The following FRMD4A variants were observed in gnomAD, a reference collection of about 807,000 sequenced individuals.
FRMD4A encodes FERM domain containing 4A.
A neutral mutation model predicts 129.1 loss-of-function variants in FRMD4A; 29 were observed. That is an observed-to-expected ratio of 0.22 (90% CI 0.17 to 0.31). The LOEUF (loss-of-function observed/expected upper bound fraction) is 0.31, where lower values mean the gene tolerates loss of function less well. Among genes scored for constraint, FRMD4A ranks in the 10% least tolerant of loss-of-function variants. The pLI is 1.00. For synonymous variants in FRMD4A, 634 were observed against 571.6 expected (o/e 1.11, Z -1.56); for missense variants, 1,272 against 1,375.8 (o/e 0.92, Z 1.19).
intron 2 of FRMD4A, among the ~76,000 whole-genome samples, chr10:14,306,202 C>T (rs939530540): frequency 2.6e-5 from 4 of 152,188 alleles, no homozygotes; most frequent in Admixed American, 6.5e-5. Context: ...TCTGTTCACA[C>T]AACTGTTAGA....
At chr10:13,781,603 C>G (rs531113797) in intron 6 of FRMD4A, among the ~76,000 whole-genome samples, 1 of 152,140 alleles carries the variant, frequency 6.6e-6, no homozygotes, top group South Asian at 2.1e-4. Context: ...GTCTCAAACT[C>G]CTGACCTCAG....
chr10:14,264,804 C>T (rs571540734), intron 2 of FRMD4A, among the ~76,000 whole-genome samples: 6 of 151,050 alleles, frequency 4.0e-5, no homozygotes, highest in African/African-American at 1.2e-4. Context: ...TTTTTTTAGA[C>T]GAAGTCTTGC....
At chr10:14,196,148 C>T (rs1842465952) in intron 2 of FRMD4A, among the ~76,000 whole-genome samples, 1 of 141,190 alleles carries the variant, frequency 7.1e-6, no homozygotes, top group Admixed American at 7.2e-5. Context: ...AACATATATA[C>T]TCACATGCAC....
intron 2 of FRMD4A, among the ~76,000 whole-genome samples, chr10:14,145,725 G>C (rs1840041798): frequency 6.6e-6 from 1 of 152,126 alleles, no homozygotes; most frequent in Non-Finnish European, 1.5e-5. Context: ...GGCAGAATTA[G>C]GATTTGAACT....
At chr10:14,251,623 A>G (rs563951991) in intron 2 of FRMD4A, among the ~76,000 whole-genome samples, 6 of 152,360 alleles carry the variant, frequency 3.9e-5, no homozygotes, top group East Asian at 1.9e-4. Flanking sequence ...TAACTAATAC[A>G]GACTCCAAAT....
intron 2 of FRMD4A, among the ~76,000 whole-genome samples, chr10:14,240,371 G>C (rs1041260543): frequency 6.6e-6 from 1 of 152,150 alleles, no homozygotes; most frequent in Non-Finnish European, 1.5e-5. Flanking sequence ...GGCATTCTCA[G>C]CACATGTGTC....
intron 8 of FRMD4A, among the ~76,000 whole-genome samples, chr10:13,754,932 C>T (rs901909261): frequency 4.6e-5 from 7 of 152,048 alleles, no homozygotes; most frequent in Non-Finnish European, 8.8e-5. Flanking sequence ...GGGAAATATG[C>T]CCCAAATGAT....
intron 5 of FRMD4A, among the ~76,000 whole-genome samples, chr10:13,785,175 C>T (rs2092823489): frequency 6.6e-6 from 1 of 152,222 alleles, no homozygotes; most frequent in South Asian, 2.1e-4. Flanking sequence ...CAAATGTGTG[C>T]AGAGGCTGCT....
intron 2 of FRMD4A, among the ~76,000 whole-genome samples, chr10:14,066,012 G>GTGTGTGTA (rs1835041420): frequency 6.7e-6 from 1 of 150,242 alleles, no homozygotes; most frequent in Non-Finnish European, 1.5e-5. Context: ...ATGTATTTGT[G>GTGTGTGTA]TGTGTGTGTG....
chr10:14,008,297 T>C, intron 2 of FRMD4A: 1 of 1,036,418 alleles, frequency 9.6e-7, no homozygotes, highest in Non-Finnish European at 1.2e-6. Context: ...ACTGAAAGAG[T>C]TTTTCTTTCG....
chr10:14,036,816 C>T (rs895779535), intron 2 of FRMD4A, among the ~76,000 whole-genome samples: 9 of 152,066 alleles, frequency 5.9e-5, no homozygotes, highest in African/African-American at 2.2e-4. Context: ...GAACTCCTGA[C>T]CTCAAGTGAT....
chr10:14,302,067 T>C (rs138562105), intron 2 of FRMD4A, among the ~76,000 whole-genome samples: 3 of 152,330 alleles, frequency 2.0e-5, no homozygotes, highest in Non-Finnish European at 2.9e-5. Context: ...AATCCCATCG[T>C]AATGGAAAGG....
intron 22 of FRMD4A, chr10:13,655,425 A>C (rs533167753): frequency 6.6e-6 from 1 of 152,310 alleles, no homozygotes; most frequent in African/African-American, 2.4e-5. Context: ...GTCAATGGCA[A>C]ATTTCACTGG....
intron 2 of FRMD4A, among the ~76,000 whole-genome samples, chr10:14,069,169 T>C (rs1040095256): frequency 1.3e-5 from 2 of 152,170 alleles, no homozygotes; most frequent in African/African-American, 4.8e-5. Flanking sequence ...GCTAAGTCAG[T>C]GTTGGACTTG....
intron 5 of FRMD4A, among the ~76,000 whole-genome samples, chr10:13,793,070 C>G (rs2093038180): frequency 6.6e-6 from 1 of 152,136 alleles, no homozygotes. Flanking sequence ...AAATAATAGC[C>G]CAACCTGGGT....
intron 2 of FRMD4A, among the ~76,000 whole-genome samples, chr10:13,915,916 G>C (rs1043033160): frequency 4.6e-5 from 7 of 152,102 alleles, no homozygotes; most frequent in African/African-American, 7.2e-5. Flanking sequence ...GACCAGGCAC[G>C]GCGAACAAAG....
At chr10:14,241,897 T>G (rs1844062157) in intron 2 of FRMD4A, among the ~76,000 whole-genome samples, 1 of 151,622 alleles carries the variant, frequency 6.6e-6, no homozygotes, top group South Asian at 2.1e-4. Context: ...TTAGGAAGAG[T>G]GAGACCATCC....
chr10:14,232,198 A>AT (rs1286447200), intron 2 of FRMD4A, among the ~76,000 whole-genome samples: 1 of 152,076 alleles, frequency 6.6e-6, no homozygotes, highest in Non-Finnish European at 1.5e-5. Context: ...TCCTTTTCCC[A>AT]TTTTTTGTTA....
intron 2 of FRMD4A, among the ~76,000 whole-genome samples, chr10:14,183,317 T>C (rs934134701): frequency 1.3e-5 from 2 of 152,238 alleles, no homozygotes; most frequent in South Asian, 4.1e-4. Context: ...TATTTAGAAA[T>C]CTGCAGGAAA....
Sources: gnomAD v4.1 joint callset for allele counts (sites outside exome capture counted in the v4.1 genomes callset) on GRCh38, gnomAD v4.1.1 for gene constraint, MANE v1.5 for transcripts, NCBI Gene and HGNC (gene_info 2026-07-23, HGNC 2026-07-21) for gene names.